Variants in UGP2 observed in about 807,000 individuals in gnomAD.
The protein encoded by UGP2 is UDP-glucose pyrophosphorylase 2, also known as UTP--glucose-1-phosphate uridylyltransferase.
UGP2 carries 40 observed loss-of-function variants against 49.0 expected under a neutral mutation model. The ratio of observed to expected loss-of-function variants is 0.82; its 90% CI spans 0.63 to 1.06. The LOEUF (loss-of-function observed/expected upper bound fraction) is 1.06, where lower values mean the gene tolerates loss of function less well. UGP2 is among the 50% of genes least tolerant of loss of function. UGP2 has a pLI of 0.00. For synonymous variants in UGP2, 225 were observed against 213.0 expected (o/e 1.06, Z -0.49); for missense variants, 460 against 603.5 (o/e 0.76, Z 2.49).
chr2:63,870,054 C>T (rs1670447399), intron 3 of UGP2, among the ~76,000 whole-genome samples: 1 of 151,720 alleles, frequency 6.6e-6, no homozygotes, highest in Non-Finnish European at 1.5e-5. Context: ...TCCTGAGTAG[C>T]TGGGACTGTA....
upstream of UGP2, chr2:63,841,145 C>T (rs1484763400): frequency 1.3e-5 from 2 of 152,034 alleles, no homozygotes; most frequent in African/African-American, 4.8e-5. Flanking sequence ...GAGAGAAGGG[C>T]GCCTCAGAGG....
chr2:63,891,024 T>TAAA (rs368306965), intron 9 of UGP2, 96 bp from the exon 10 acceptor site: 321 of 831,880 alleles, frequency 3.9e-4, no homozygotes, highest in Middle Eastern at 1.2e-3. Context: ...TACTTCACTG[T>TAAA]AAAAAAAAAA....
upstream of UGP2, chr2:63,841,124 GAAGA>G (rs1227895304): frequency 1.3e-5 from 2 of 152,218 alleles, no homozygotes; most frequent in Non-Finnish European, 2.9e-5. Flanking sequence ...ATGTGTGAGG[GAAGA>G]GAGAGAGAGA....
At chr2:63,859,037 C>G (rs1237401690) in intron 3 of UGP2, among the ~76,000 whole-genome samples, 1 of 151,332 alleles carries the variant, frequency 6.6e-6, no homozygotes, top group Non-Finnish European at 1.5e-5. Context: ...CTCTGTCACC[C>G]AAGCTGGAGT....
chr2:63,860,241 GTGACATAAACAT>G (rs774696615), intron 3 of UGP2, among the ~76,000 whole-genome samples: 40 of 152,192 alleles, frequency 2.6e-4, no homozygotes, highest in Non-Finnish European at 5.0e-4. Context: ...TATCAAAGGT[GTGACATAAACAT>G]TGTCATACCA....
At chr2:63,867,066 G>T (rs180782231) in intron 3 of UGP2, among the ~76,000 whole-genome samples, 2 of 152,024 alleles carry the variant, frequency 1.3e-5, no homozygotes, top group Non-Finnish European at 2.9e-5. Flanking sequence ...GTTGTTTATT[G>T]TGTGAATTTT....
In UGP2 at chr2:63,842,086, C is replaced by T. The variant is rs1350632745; in HGVS notation, c.-100C>T. On this transcript the variant is annotated 5_prime_UTR_variant, in exon 1 of 10. Coordinates refer to ENST00000337130, the MANE Select transcript of UGP2 (RefSeq NM_006759.4). ...GTTAAATATAGGAGGAGAAAGAATA[C>T]ATCGGTTGTTAAAGCAGGAGAGGAA... 1.4e-6 allele frequency: 2 copies of T among 1,400,974 alleles called. No homozygotes were observed. The highest frequency in any genetic ancestry group is 9.6e-7 in the Non-Finnish European group (1 of 1,041,906). The allele number at this position is 1,400,974 out of a possible 1,614,324, so 86.8% of individuals were successfully genotyped here.
At chr2:63,865,792 C>T (rs1670148430) in intron 3 of UGP2, among the ~76,000 whole-genome samples, 1 of 152,078 alleles carries the variant, frequency 6.6e-6, no homozygotes, top group African/African-American at 2.4e-5. Context: ...ACCTAGGTCT[C>T]CCAAAGTGCT....
intron 8 of UGP2, chr2:63,889,750 CTCT>C (rs906507841): frequency 1.1e-5 from 2 of 187,962 alleles, no homozygotes; most frequent in Non-Finnish European, 2.2e-5. Flanking sequence ...AAAGCATGAT[CTCT>C]TTTTTTCAGT....
chr2:63,855,689 G>A (rs1238981371), intron 1 of UGP2: 3 of 439,560 alleles, frequency 6.8e-6, no homozygotes, highest in South Asian at 4.8e-5. Context: ...ATACAGACAA[G>A]CGCCACCACA....
In UGP2 at chr2:63,857,501, T is replaced by A. The variant is rs188961579; in HGVS notation, c.148-328T>A. On this transcript the variant is annotated intron_variant, in intron 2 of 9. Coordinates refer to ENST00000337130, the MANE Select transcript of UGP2 (RefSeq NM_006759.4). ...ACCTCAGCCCCCGAGTAGGTGAGAC[T>A]ACAGGCACACACCACCACATCTGGC... The A allele has an allele frequency of 3.1e-3, 1,329 of 423,832 alleles. 4 individuals carry two copies. The highest frequency in any genetic ancestry group is 6.0e-3 in the Middle Eastern group (8 of 1,340). 26.3% of individuals were successfully genotyped at this position (423,832 alleles called of 1,614,324 possible).
chr2:63,871,894 G>GCTTT (rs369122654), intron 3 of UGP2, among the ~76,000 whole-genome samples: 41 of 152,286 alleles, frequency 2.7e-4, no homozygotes, highest in African/African-American at 8.7e-4. Flanking sequence ...TTTCCAGAAG[G>GCTTT]CTTTCTTAAA....
At chr2:63,861,755 G>T (rs961502052) in intron 3 of UGP2, among the ~76,000 whole-genome samples, 2 of 151,792 alleles carry the variant, frequency 1.3e-5, no homozygotes, top group Non-Finnish European at 1.5e-5. Flanking sequence ...AAGAGTGAAG[G>T]TATATTTGTG....
chr2:63,887,399 C>G lies in UGP2; in HGVS notation c.1072-3C>G. The G allele has an allele frequency of 1.2e-6, 2 of 1,613,822 alleles. No individual in the cohort carries two copies. The highest frequency in any genetic ancestry group is 1.7e-6 in the Non-Finnish European group (2 of 1,179,910). The stretch of plus-strand genomic sequence containing the variant: ...TCTATTCCCCACCCCTAATTTCTTA[C>G]AGACTTTGGATGGAGGCCTGAATGT... On this transcript the variant is annotated splice_polypyrimidine_tract_variant and splice_region_variant and intron_variant, in intron 7 of 9. Coordinates refer to ENST00000337130, the MANE Select transcript of UGP2 (RefSeq NM_006759.4).
At chr2:63,860,044 C>T (rs1669726786) in intron 3 of UGP2, among the ~76,000 whole-genome samples, 1 of 152,124 alleles carries the variant, frequency 6.6e-6, no homozygotes, top group Non-Finnish European at 1.5e-5. Context: ...TTCTCTTTCC[C>T]ATAGGTTTCC....
At position 63,891,264 on chromosome 2, in the gene UGP2, G is replaced by GTTTC. The variant is rs772538818; in HGVS notation, c.*40_*43dup. The GTTTC allele has an allele frequency of 3.3e-5, 50 of 1,536,226 alleles. No homozygotes were observed. The highest frequency in any genetic ancestry group is 2.8e-4 in the South Asian group (25 of 88,628). ...CTGTGGACACTTAAATAATGGGCTA[G>GTTTC]TTTCTTACAATGAAATGTTCTCTAG... On this transcript the variant is annotated 3_prime_UTR_variant, in exon 10 of 10. Coordinates refer to ENST00000337130, the MANE Select transcript of UGP2 (RefSeq NM_006759.4).
At chr2:63,884,939 A>G (rs1671558705) in intron 5 of UGP2, among the ~76,000 whole-genome samples, 1 of 149,834 alleles carries the variant, frequency 6.7e-6, no homozygotes, top group East Asian at 2.0e-4. Flanking sequence ...GGACATTTCT[A>G]AAGTTGTGTC....
At position 63,860,016 on chromosome 2, in the gene UGP2, A is replaced by G. The variant is rs190883229; in HGVS notation, c.255+2080A>G. Among the ~76,000 whole-genome samples, 366 of 152,316 alleles carry G rather than the reference A, an allele frequency of 2.4e-3. 4 individuals carry two copies. Among genetic ancestry groups the G allele is most frequent in the African/African-American group, 8.5e-3 (354 of 41,566 alleles). The stretch of plus-strand genomic sequence containing the variant: ...TTGGTTCTTTTGGATTCCTCCTTCT[A>G]GCCTCCTCGTCCTACTCTTCTCTTT... On this transcript the variant is annotated intron_variant, in intron 3 of 9. Coordinates refer to ENST00000337130, the MANE Select transcript of UGP2 (RefSeq NM_006759.4).
At chr2:63,884,929 G>C (rs901429972) in intron 5 of UGP2, among the ~76,000 whole-genome samples, 11 of 145,984 alleles carry the variant, frequency 7.5e-5, no homozygotes, top group African/African-American at 2.8e-4. Flanking sequence ...TAAAAAAGAA[G>C]GACATTTCTA....
Sources: gnomAD v4.1 joint callset for allele counts (sites outside exome capture counted in the v4.1 genomes callset) on GRCh38, gnomAD v4.1.1 for gene constraint, MANE v1.5 for transcripts, NCBI Gene and HGNC (gene_info 2026-07-23, HGNC 2026-07-21) for gene names.